NRXN1: variants seen among roughly 807,000 people sequenced by gnomAD.
The protein encoded by NRXN1 is neurexin-1.
Under a neutral mutation model 150.9 loss-of-function variants are expected in NRXN1, and 39 were observed. The observed-to-expected ratio is 0.26, with a 90% confidence interval of 0.20 to 0.34. The LOEUF (loss-of-function observed/expected upper bound fraction) is 0.34, where lower values mean the gene tolerates loss of function less well. Among genes scored for constraint, NRXN1 ranks in the 10% least tolerant of loss-of-function variants. The probability of loss-of-function intolerance (pLI) is 1.00; values close to 1 mark genes in which losing one functional copy is unlikely to be tolerated. For missense variants in NRXN1, 1,815 were observed against 1,949.9 expected, an observed-to-expected ratio of 0.93 and a Z score of 1.30; for synonymous variants, 924 against 757.0, an observed-to-expected ratio of 1.22 and a Z score of -3.62.
chr2:50,503,663 G>C (rs1396156099), intron 13 of NRXN1, among the ~76,000 whole-genome samples: 1 of 152,148 alleles, frequency 6.6e-6, no homozygotes, highest in Non-Finnish European at 1.5e-5. Flanking sequence ...AGGAGTGCTG[G>C]AGTTTGAAAA....
chr2:50,661,374 A>G (rs1314436954), intron 5 of NRXN1, among the ~76,000 whole-genome samples: 2 of 152,098 alleles, frequency 1.3e-5, no homozygotes, highest in Non-Finnish European at 2.9e-5. Context: ...TCAGTTTAAC[A>G]TGAACTGTTC....
intron 5 of NRXN1, among the ~76,000 whole-genome samples, chr2:50,770,657 A>C (rs1418760998): frequency 6.6e-6 from 1 of 152,120 alleles, no homozygotes; most frequent in East Asian, 1.9e-4. Context: ...ATTGTAGGAA[A>C]TAAATTCAGC....
At chr2:50,501,366 G>A (rs1037741699) in intron 13 of NRXN1, among the ~76,000 whole-genome samples, 3 of 144,518 alleles carry the variant, frequency 2.1e-5, no homozygotes, top group Non-Finnish European at 4.6e-5. Context: ...TTGAAGCAGG[G>A]GTTAACCATG....
chr2:50,928,329 C>T (rs1308132040), intron 2 of NRXN1, among the ~76,000 whole-genome samples: 1 of 151,944 alleles, frequency 6.6e-6, no homozygotes, highest in Admixed American at 6.6e-5. Flanking sequence ...CTTGAGTTTC[C>T]ATATACTTTC....
intron 5 of NRXN1, among the ~76,000 whole-genome samples, chr2:50,887,900 G>A (rs1179852878): frequency 6.7e-6 from 1 of 148,924 alleles, no homozygotes; most frequent in African/African-American, 2.5e-5. Context: ...ATACCAAATT[G>A]TAAAATAGTT....
chr2:49,942,529 A>C (rs1483376782), intron 22 of NRXN1, among the ~76,000 whole-genome samples: 1 of 152,106 alleles, frequency 6.6e-6, no homozygotes, highest in Non-Finnish European at 1.5e-5. Context: ...ATGTCAATAG[A>C]CACCACTAGC....
intron 17 of NRXN1, among the ~76,000 whole-genome samples, chr2:50,377,418 G>T (rs1039128014): frequency 2.0e-5 from 3 of 152,014 alleles, no homozygotes; most frequent in African/African-American, 7.2e-5. Flanking sequence ...CTCTGCAAAG[G>T]GCATGATCTC....
chr2:50,411,807 C>G (rs867416089), intron 17 of NRXN1, among the ~76,000 whole-genome samples: 2 of 152,182 alleles, frequency 1.3e-5, no homozygotes, highest in Non-Finnish European at 2.9e-5. Context: ...CACCCCGTCC[C>G]GGAGGTGTAC....
chr2:49,945,048 C>G (rs1393127988), intron 21 of NRXN1: 1 of 152,074 alleles, frequency 6.6e-6, no homozygotes, highest in Non-Finnish European at 1.5e-5. Context: ...AGTGCAGAGT[C>G]TTTAAGAACA....
chr2:50,385,717 C>A (rs1306480649), intron 17 of NRXN1, among the ~76,000 whole-genome samples: 2 of 152,072 alleles, frequency 1.3e-5, no homozygotes, highest in African/African-American at 2.4e-5. Flanking sequence ...ACTTAGAATA[C>A]CAACAATCAA....
chr2:50,193,727 C>G (rs1356008325), intron 18 of NRXN1, among the ~76,000 whole-genome samples: 1 of 151,992 alleles, frequency 6.6e-6, no homozygotes, highest in Non-Finnish European at 1.5e-5. Flanking sequence ...TAATAAGATA[C>G]TCATAGAAAA....
chr2:50,019,640 T>TAAAAAAAA (rs1165089457), intron 21 of NRXN1, among the ~76,000 whole-genome samples: 1 of 6,004 alleles, frequency 1.7e-4, no homozygotes, highest in African/African-American at 1.0e-3. Flanking sequence ...AGATTCCGTC[T>TAAAAAAAA]CAAAAAAAAA....
chr2:50,937,328 A>G (rs1279204514), intron 2 of NRXN1, among the ~76,000 whole-genome samples: 1 of 152,182 alleles, frequency 6.6e-6, no homozygotes, highest in Non-Finnish European at 1.5e-5. Context: ...ATGTATATGT[A>G]GAATTTGCTT....
intron 18 of NRXN1, among the ~76,000 whole-genome samples, chr2:50,150,875 C>T (rs936804235): frequency 1.3e-5 from 2 of 151,688 alleles, no homozygotes; most frequent in African/African-American, 4.8e-5. Context: ...CCTTACCTCC[C>T]TGAACACATT....
At chr2:51,018,334 G>A (rs137980063) in intron 2 of NRXN1, among the ~76,000 whole-genome samples, 6 of 152,106 alleles carry the variant, frequency 3.9e-5, no homozygotes, top group Non-Finnish European at 2.9e-5. Context: ...TGTTCCTGCA[G>A]TGTGGTGTCA....
intron 5 of NRXN1, among the ~76,000 whole-genome samples, chr2:50,835,710 GAATC>G (rs1004029559): frequency 6.6e-6 from 1 of 152,066 alleles, no homozygotes; most frequent in African/African-American, 2.4e-5. Flanking sequence ...AATGCTAAAA[GAATC>G]AACATAATCA....
At chr2:50,916,171 C>T (rs546594350) in intron 5 of NRXN1, among the ~76,000 whole-genome samples, 3 of 150,374 alleles carry the variant, frequency 2.0e-5, no homozygotes, top group Non-Finnish European at 4.5e-5. Context: ...TTGAAGTCTC[C>T]TTAAGGTTGG....
intron 2 of NRXN1, among the ~76,000 whole-genome samples, chr2:51,027,012 TG>T (rs1257858151): frequency 6.6e-6 from 1 of 152,180 alleles, no homozygotes; most frequent in Non-Finnish European, 1.5e-5. Context: ...CAGAACCACG[TG>T]GGGATTCTCA....
At chr2:50,915,756 C>T (rs994712894) in intron 5 of NRXN1, among the ~76,000 whole-genome samples, 3 of 151,068 alleles carry the variant, frequency 2.0e-5, no homozygotes, top group Non-Finnish European at 4.4e-5. Flanking sequence ...ATCATTTAAT[C>T]CAAATGCACA....
Sources: allele counts gnomAD v4.1 joint callset (sites outside exome capture counted in the v4.1 genomes callset), GRCh38; gene constraint gnomAD v4.1.1; transcripts MANE v1.5; gene names NCBI Gene and HGNC (gene_info 2026-07-23, HGNC 2026-07-21).